ZFAND3: variants seen among roughly 807,000 people sequenced by gnomAD.
The protein encoded by ZFAND3 is zinc finger AN1-type containing 3, also known as AN1-type zinc finger protein 3.
Under a neutral mutation model 29.6 loss-of-function variants are expected in ZFAND3, and 10 were observed. That is an observed-to-expected ratio of 0.34 (90% CI 0.21 to 0.57). The LOEUF (loss-of-function observed/expected upper bound fraction) is 0.57. Ranked by LOEUF, ZFAND3 falls within the 20% of genes least tolerant of loss-of-function variation. ZFAND3 has a pLI of 0.86. For missense variants in ZFAND3, 230 were observed against 304.5 expected, an observed-to-expected ratio of 0.76 and a Z score of 1.82; for synonymous variants, 128 against 112.6, an observed-to-expected ratio of 1.14 and a Z score of -0.87.
At chr6:37,940,171 C>T (rs754082646) in intron 2 of ZFAND3, among the ~76,000 whole-genome samples, 47 of 152,142 alleles carry the variant, frequency 3.1e-4, no homozygotes, top group Non-Finnish European at 5.4e-4. Context: ...TTAGACTTGT[C>T]AGGAATATGG....
chr6:38,046,680 G>A (rs1419270432), intron 2 of ZFAND3, among the ~76,000 whole-genome samples: 1 of 152,170 alleles, frequency 6.6e-6, no homozygotes, highest in Non-Finnish European at 1.5e-5. Flanking sequence ...CTCGTAATCA[G>A]TAAAAGATAA....
chr6:37,982,609 A>G (rs953111543), intron 2 of ZFAND3, among the ~76,000 whole-genome samples: 1 of 152,190 alleles, frequency 6.6e-6, no homozygotes, highest in South Asian at 2.1e-4. Flanking sequence ...AAGTATATCT[A>G]CTGTGCTGCC....
chr6:37,864,646 A>T (rs1406083799), intron 1 of ZFAND3, among the ~76,000 whole-genome samples: 1 of 152,118 alleles, frequency 6.6e-6, no homozygotes, highest in African/African-American at 2.4e-5. Context: ...ATTCAAGAAA[A>T]AAATATATGT....
chr6:37,892,732 C>T (rs962343112), intron 1 of ZFAND3, among the ~76,000 whole-genome samples: 3 of 151,972 alleles, frequency 2.0e-5, no homozygotes, highest in African/African-American at 4.8e-5. Flanking sequence ...AGATACAAAG[C>T]GAGACTCAAT....
chr6:37,950,079 TGTCTGTTGATAATTTCTTTTGATGTGCA>T (rs1273882588), intron 2 of ZFAND3, among the ~76,000 whole-genome samples: 1 of 152,266 alleles, frequency 6.6e-6, no homozygotes, highest in Non-Finnish European at 1.5e-5. Flanking sequence ...TTCTGTAGGT[TGTCTGTTGATAATTTCTTTTGATGTGCA>T]GTCTGTTGAT....
chr6:38,010,832 C>A (rs1474544383), intron 2 of ZFAND3, among the ~76,000 whole-genome samples: 2 of 151,520 alleles, frequency 1.3e-5, no homozygotes, highest in Non-Finnish European at 2.9e-5. Flanking sequence ...AACTCCTGAC[C>A]TCAGGTGATC....
chr6:37,851,984 A>G (rs1764290147), intron 1 of ZFAND3, among the ~76,000 whole-genome samples: 1 of 152,336 alleles, frequency 6.6e-6, no homozygotes, highest in Admixed American at 6.5e-5. Context: ...ATATAAAAAT[A>G]ATTTTGATCT....
rs116187105 is a variant in ZFAND3, at chr6:37,911,981, G to A, written c.72-17978G>A. Among the ~76,000 whole-genome samples the A allele has an allele frequency of 5.6e-3, 854 of 151,568 alleles. 8 individuals carry two copies. The highest frequency in any genetic ancestry group is 0.02 in the African/African-American group (819 of 41,166). On this transcript the variant is annotated intron_variant, in intron 1 of 5. Transcript: ENST00000287218. ...TGATGCAGATTCACCATCTTAGGGT[G>A]CCTAATGTAGGTTGGTTGCTATGGA...
intron 1 of ZFAND3, among the ~76,000 whole-genome samples, chr6:37,902,637 C>G (rs1451536167): frequency 6.6e-6 from 1 of 151,750 alleles, no homozygotes; most frequent in African/African-American, 2.4e-5. Context: ...TAGCTGTAAT[C>G]ATGAATTAGA....
chr6:38,106,412 A>G (rs992495442), intron 4 of ZFAND3, among the ~76,000 whole-genome samples: 4 of 152,176 alleles, frequency 2.6e-5, no homozygotes, highest in Admixed American at 1.3e-4. Flanking sequence ...GGCCTCCCAA[A>G]GTGCCGGGAT....
At chr6:37,877,201 C>T (rs889941430) in intron 1 of ZFAND3, among the ~76,000 whole-genome samples, 1 of 152,104 alleles carries the variant, frequency 6.6e-6, no homozygotes, top group African/African-American at 2.4e-5. Context: ...CCACTTCTTT[C>T]TTGGGAGCAT....
chr6:37,950,841 G>C (rs1160778695), intron 2 of ZFAND3, among the ~76,000 whole-genome samples: 1 of 152,054 alleles, frequency 6.6e-6, no homozygotes. Flanking sequence ...GGATTGCTTT[G>C]GTTATTCTGG....
intron 1 of ZFAND3, among the ~76,000 whole-genome samples, chr6:37,927,472 T>C (rs572290825): frequency 6.6e-6 from 1 of 152,214 alleles, no homozygotes; most frequent in South Asian, 2.1e-4. Context: ...GAGGGGACAA[T>C]CCCAATATTC....
intron 1 of ZFAND3, among the ~76,000 whole-genome samples, chr6:37,826,292 G>A (rs1763758694): frequency 6.6e-6 from 1 of 152,144 alleles, no homozygotes; most frequent in Non-Finnish European, 1.5e-5. Flanking sequence ...CATTCCAACT[G>A]TGTGGATGAC....
rs143593210 is a variant in ZFAND3 at position 38,011,736 on chromosome 6, T to A, written c.113-49857T>A. On this transcript the variant is annotated intron_variant, in intron 2 of 5. Transcript: ENST00000287218. ...GTAGCACAATTAATTTTATATTAAT[T>A]GGTTTTGTAGTTGTCCAGAACTCTA... Among the ~76,000 whole-genome samples, 72 of 152,340 alleles carry A rather than the reference T, an allele frequency of 4.7e-4. 1 individual carries two copies. Among genetic ancestry groups the A allele is most frequent in the African/African-American group, 9.6e-4 (40 of 41,574 alleles).
Position 37,903,862 on chromosome 6 carries a change from G to A in ZFAND3, c.72-26097G>A, listed in dbSNP as rs114955033. Among the ~76,000 whole-genome samples, 1,106 of 152,084 alleles carry A rather than the reference G, an allele frequency of 7.3e-3. 10 individuals carry two copies. Among genetic ancestry groups the A allele is most frequent in the African/African-American group, 0.025 (1,037 of 41,430 alleles). On this transcript the variant is annotated intron_variant, in intron 1 of 5. Transcript: ENST00000287218. The stretch of plus-strand genomic sequence containing the variant: ...ACAATAGTCCCTTTATGAGGTGAGA[G>A]GTTTTTGTTCTGTGGATATTCTCAA...
intron 1 of ZFAND3, among the ~76,000 whole-genome samples, chr6:37,857,005 G>A (rs770846059): frequency 1.3e-4 from 19 of 151,232 alleles, no homozygotes; most frequent in Non-Finnish European, 1.9e-4. Context: ...GTGCAGTGCC[G>A]TGATCAAAGC....
At chr6:37,903,470 A>T (rs1053009919) in intron 1 of ZFAND3, among the ~76,000 whole-genome samples, 1 of 152,134 alleles carries the variant, frequency 6.6e-6, no homozygotes, top group African/African-American at 2.4e-5. Flanking sequence ...GAATTTTCTA[A>T]ATTACTGTCA....
chr6:37,947,940 C>G (rs953951946), intron 2 of ZFAND3, among the ~76,000 whole-genome samples: 2 of 151,978 alleles, frequency 1.3e-5, no homozygotes, highest in East Asian at 1.9e-4. Context: ...AGAGATCTTT[C>G]TGTTACTTCT....
Sources: allele counts gnomAD v4.1 joint callset (sites outside exome capture counted in the v4.1 genomes callset), GRCh38; gene constraint gnomAD v4.1.1; transcripts MANE v1.5; gene names NCBI Gene and HGNC (gene_info 2026-07-23, HGNC 2026-07-21).